PGAP1: variants seen among roughly 807,000 people sequenced by gnomAD.
PGAP1 encodes post-GPI attachment to proteins inositol deacylase 1.
In PGAP1, 76 loss-of-function variants were observed where a neutral mutation model predicts 127.0. The observed-to-expected ratio is 0.60, with a 90% confidence interval of 0.50 to 0.72. PGAP1 has a LOEUF of 0.72. Among genes scored for constraint, PGAP1 ranks in the 30% least tolerant of loss-of-function variants. PGAP1 has a pLI of 0.00. For missense variants in PGAP1, 982 were observed against 1,071.3 expected (o/e 0.92, Z 1.16); for synonymous variants, 362 against 366.5 (o/e 0.99, Z 0.14).
chr2:196,903,471 G>A (rs1187468711), intron 4 of PGAP1, among the ~76,000 whole-genome samples: 2 of 146,298 alleles, frequency 1.4e-5, no homozygotes, highest in African/African-American at 5.0e-5. Context: ...TGAGGCAGGA[G>A]AATCGCTTGA....
At chr2:196,877,735 T>C (rs1701610806) in intron 13 of PGAP1, 1 of 152,132 alleles carries the variant, frequency 6.6e-6, no homozygotes, top group Non-Finnish European at 1.5e-5. Flanking sequence ...TCTCTATTTC[T>C]CCTACATTTT....
chr2:196,871,685 T>G (rs1701416012), intron 18 of PGAP1, among the ~76,000 whole-genome samples: 1 of 152,176 alleles, frequency 6.6e-6, no homozygotes, highest in Non-Finnish European at 1.5e-5. Context: ...CAACTGAAAC[T>G]TGGCTGGAGG....
intron 7 of PGAP1, among the ~76,000 whole-genome samples, chr2:196,894,805 A>C (rs1702221379): frequency 6.6e-6 from 1 of 151,412 alleles, no homozygotes; most frequent in Admixed American, 6.6e-5. Flanking sequence ...CCGTCTCAAA[A>C]AACAAAAACA....
intron 14 of PGAP1, among the ~76,000 whole-genome samples, chr2:196,874,769 T>A (rs1701511765): frequency 6.6e-6 from 1 of 152,176 alleles, no homozygotes; most frequent in South Asian, 2.1e-4. Context: ...ATTCCGGCAT[T>A]TTGGGAGGCC....
At chr2:196,851,285 C>T (rs1256742648) in intron 20 of PGAP1, among the ~76,000 whole-genome samples, 1 of 152,080 alleles carries the variant, frequency 6.6e-6, no homozygotes, top group South Asian at 2.1e-4. Flanking sequence ...AAAACCACAA[C>T]TCTGCACAAA....
chr2:196,885,611 T>G (rs181704068), intron 11 of PGAP1, 136 bp from the exon 12 acceptor site: 588 of 646,486 alleles, frequency 9.1e-4, no homozygotes, highest in Admixed American at 3.9e-3. Flanking sequence ...CAATATACTC[T>G]GTCCACATAT....
chr2:196,866,255 T>C (rs1306455646), intron 19 of PGAP1, among the ~76,000 whole-genome samples: 4 of 152,160 alleles, frequency 2.6e-5, no homozygotes. Context: ...AACAATATGG[T>C]ACTGGTACCA....
chr2:196,842,889 T>A (rs1700453847), intron 25 of PGAP1, 64 bp from the exon 26 acceptor site: 5 of 747,680 alleles, frequency 6.7e-6, no homozygotes, highest in South Asian at 4.9e-5. Context: ...ATTATCAGAA[T>A]CAAGAGGATA....
chr2:196,902,724 T>C lies in PGAP1; in HGVS notation c.668A>G (p.Asn223Ser), dbSNP rs1702538690. The C allele has an allele frequency of 6.2e-7, 1 of 1,605,502 alleles. No individual in the cohort carries two copies. Among genetic ancestry groups the C allele is most frequent in the African/African-American group, 1.3e-5 (1 of 74,546 alleles). Residue 223 changes from asparagine to serine, a missense_variant, in exon 5 of 27, where the codon AAC (asparagine) becomes AGC (serine). Asn to Ser is a conservative substitution (Grantham distance 46). Coordinates refer to ENST00000354764, the MANE Select transcript of PGAP1 (RefSeq NM_024989.4). ...RFITDFYTTV[N>S]NYWILNARHI... ...TCGAGCATTTAGAATCCAATAGTTG[T>C]TTACAGTCGTATAAAAATCTGGTGG...
chr2:196,854,826 G>A (rs1357385723), intron 20 of PGAP1, among the ~76,000 whole-genome samples: 5 of 152,120 alleles, frequency 3.3e-5, no homozygotes, highest in Non-Finnish European at 7.4e-5. Context: ...TGCCCAGGCT[G>A]GAGAGCAGTG....
chr2:196,846,949 A>AAT, intron 22 of PGAP1, 54 bp downstream of exon 22: 1 of 1,401,856 alleles, frequency 7.1e-7, no homozygotes, highest in Non-Finnish European at 9.8e-7. Flanking sequence ...TCCTTATCAG[A>AAT]ATATATATTT....
intron 10 of PGAP1, among the ~76,000 whole-genome samples, chr2:196,889,858 C>CAAAAAAA (rs979436427): frequency 4.5e-5 from 2 of 43,978 alleles, no homozygotes; most frequent in African/African-American, 8.0e-5. Flanking sequence ...GACTCCGTCT[C>CAAAAAAA]AAAAAAAAAA....
chr2:196,869,797 T>C (rs1701357129), intron 19 of PGAP1, among the ~76,000 whole-genome samples: 1 of 152,248 alleles, frequency 6.6e-6, no homozygotes, highest in Non-Finnish European at 1.5e-5. Flanking sequence ...TCTCACCAAG[T>C]TGCTCTGAGG....
chr2:196,872,590 G>T, intron 17 of PGAP1, 41 bp from the exon 18 acceptor site: 1 of 1,394,110 alleles, frequency 7.2e-7, no homozygotes, highest in South Asian at 1.2e-5. Context: ...AATACAAAAT[G>T]CTGGTAAAGA....
intron 13 of PGAP1, among the ~76,000 whole-genome samples, chr2:196,879,398 G>C (rs1490132133): frequency 1.3e-5 from 2 of 152,000 alleles, no homozygotes; most frequent in African/African-American, 4.8e-5. Flanking sequence ...AGCTTTTTAA[G>C]AACAGGGTCT....
At chr2:196,841,618 T>C (rs560055638) in intron 26 of PGAP1, among the ~76,000 whole-genome samples, 4 of 152,076 alleles carry the variant, frequency 2.6e-5, no homozygotes, top group Non-Finnish European at 4.4e-5. Context: ...CCCGGGTTCA[T>C]GCCATTCTCC....
In PGAP1 at chr2:196,833,334, T is replaced by C. The variant is rs773038365; in HGVS notation, c.*7900A>G. 3.3e-5 allele frequency: 5 copies of C among 152,196 alleles called. No homozygotes were observed. The highest frequency in any genetic ancestry group is 4.8e-5 in the African/African-American group (2 of 41,458). 9.4% of individuals were successfully genotyped at this position (152,196 alleles called of 1,614,324 possible). Reference sequence around the variant, plus strand: ...GTACTGGAGATCATGCATGTTTAAATGGAAAGATCAGCAAGGTGACAATCA... The same window carrying C: ...GTACTGGAGATCATGCATGTTTAAACGGAAAGATCAGCAAGGTGACAATCA... On this transcript the variant is annotated 3_prime_UTR_variant, in exon 27 of 27. Transcript: ENST00000354764.
intron 20 of PGAP1, among the ~76,000 whole-genome samples, chr2:196,859,339 CA>C (rs1700988070): frequency 6.6e-6 from 1 of 151,958 alleles, no homozygotes; most frequent in Admixed American, 6.6e-5. Flanking sequence ...AACAAACAAA[CA>C]AAAACCAAGT....
Position 196,881,178 on chromosome 2 carries a change from T to C in PGAP1, c.1273-1025A>G, listed in dbSNP as rs1188306423. The stretch of plus-strand genomic sequence containing the variant: ...GGATAATGGCCTCCAGTTCCATCCA[T>C]GTTACTGCAAAGAACATGATCTCAT... On this transcript the variant is annotated intron_variant, in intron 12 of 26. Coordinates refer to ENST00000354764, the MANE Select transcript of PGAP1 (RefSeq NM_024989.4). Among the ~76,000 whole-genome samples, 11 of 152,198 alleles carry C rather than the reference T, an allele frequency of 7.2e-5. 1 individual carries two copies. Among genetic ancestry groups the C allele is most frequent in the Admixed American group, 7.2e-4 (11 of 15,270 alleles).
Sources: allele counts gnomAD v4.1 joint callset (sites outside exome capture counted in the v4.1 genomes callset), GRCh38; gene constraint gnomAD v4.1.1; transcripts MANE v1.5; gene names NCBI Gene and HGNC (gene_info 2026-07-23, HGNC 2026-07-21).